The following HDX variants were observed in gnomAD, a reference collection of about 807,000 sequenced individuals.
HDX encodes the protein chromosome X open reading frame 43.
HDX carries 19 observed loss-of-function variants against 45.2 expected under a neutral mutation model. The ratio of observed to expected loss-of-function variants is 0.42; its 90% CI spans 0.29 to 0.62. The LOEUF (loss-of-function observed/expected upper bound fraction) is 0.62. Ranked by LOEUF, HDX falls within the 20% of genes least tolerant of loss-of-function variation. HDX has a pLI of 0.20. For missense variants in HDX, 532 were observed against 493.9 expected (o/e 1.08, Z -0.73); for synonymous variants, 188 against 172.8 (o/e 1.09, Z -0.69).
intron 5 of HDX, among the ~76,000 whole-genome samples, chrX:84,384,744 T>C (rs1163763765): frequency 5.4e-5 from 6 of 111,472 alleles, no homozygotes; most frequent in African/African-American, 2.0e-4. Context: ...ATTTTGCAAA[T>C]GACTAGCCAG....
chrX:84,405,511 G>A (rs2147967323), intron 5 of HDX, among the ~76,000 whole-genome samples: 1 of 106,713 alleles, frequency 9.4e-6, no homozygotes, highest in African/African-American at 3.4e-5. Context: ...TTCGTGCTTA[G>A]TTGTTGCAAA....
chrX:84,421,976 A>T (rs185055565), intron 5 of HDX, among the ~76,000 whole-genome samples: 4 of 109,551 alleles, frequency 3.7e-5, no homozygotes, highest in Admixed American at 1.9e-4. Flanking sequence ...TTAACAAACA[A>T]CTGTCAACAT....
intron 1 of HDX, chrX:84,499,948 G>A (rs1450168030): frequency 8.9e-6 from 1 of 112,112 alleles, no homozygotes; most frequent in Non-Finnish European, 1.9e-5. Flanking sequence ...AGCAATTGTA[G>A]ATAAAATGTA....
intron 5 of HDX, among the ~76,000 whole-genome samples, chrX:84,439,112 A>G (rs1274527689): frequency 9.0e-6 from 1 of 110,835 alleles, no homozygotes; most frequent in African/African-American, 3.3e-5. Flanking sequence ...CTGGTGAGAG[A>G]TGGTATCTCA....
At chrX:84,406,505 C>CACACACACACACAT (rs1386119309) in intron 5 of HDX, among the ~76,000 whole-genome samples, 27 of 64,435 alleles carry the variant, frequency 4.2e-4, no homozygotes, top group African/African-American at 1.4e-3. Context: ...CACACATACA[C>CACACACACACACAT]ACACACACAC....
At chrX:84,358,652 G>A (rs1162637725) in intron 6 of HDX, among the ~76,000 whole-genome samples, 1 of 112,180 alleles carries the variant, frequency 8.9e-6, no homozygotes, top group Non-Finnish European at 1.9e-5. Context: ...TCTGAACAGG[G>A]CAGTACTTAT....
intron 10 of HDX, among the ~76,000 whole-genome samples, chrX:84,322,981 A>G (rs1479120818): frequency 9.0e-6 from 1 of 110,822 alleles, no homozygotes; most frequent in East Asian, 2.8e-4. Context: ...CCAATTAAGG[A>G]ACAGAAAGGG....
intron 7 of HDX, among the ~76,000 whole-genome samples, chrX:84,339,111 T>C (rs1434713653): frequency 9.0e-6 from 1 of 111,682 alleles, no homozygotes; most frequent in African/African-American, 3.2e-5. Context: ...CTGCAGGACA[T>C]TATGCTGAGT....
At chrX:84,495,211 G>A (rs1172737390) in intron 1 of HDX, among the ~76,000 whole-genome samples, 1 of 110,923 alleles carries the variant, frequency 9.0e-6, no homozygotes, top group Non-Finnish European at 1.9e-5. Flanking sequence ...GTGAGGGATT[G>A]GGTAGATGTT....
chrX:84,436,090 A>C (rs774728700), intron 5 of HDX, among the ~76,000 whole-genome samples: 87 of 88,149 alleles, frequency 9.9e-4, no homozygotes, highest in African/African-American at 3.6e-3. Context: ...ATGGAATACT[A>C]TGCAGCCATA....
At chrX:84,463,773 C>A (rs1231331657) in intron 4 of HDX, among the ~76,000 whole-genome samples, 3 of 110,262 alleles carry the variant, frequency 2.7e-5, no homozygotes, top group Non-Finnish European at 5.7e-5. Context: ...TGATTGTCAT[C>A]TGGCTCCATG....
At chrX:84,409,100 C>T (rs2038915276) in intron 5 of HDX, among the ~76,000 whole-genome samples, 2 of 110,722 alleles carry the variant, frequency 1.8e-5, no homozygotes, top group African/African-American at 3.3e-5. Flanking sequence ...GACATTTATG[C>T]AGCCAAAAAA....
intron 5 of HDX, among the ~76,000 whole-genome samples, chrX:84,370,641 T>C (rs2037870327): frequency 8.9e-6 from 1 of 112,070 alleles, no homozygotes; most frequent in Non-Finnish European, 1.9e-5. Flanking sequence ...AGATCAACAG[T>C]GAATTCTAGA....
intron 6 of HDX, among the ~76,000 whole-genome samples, chrX:84,353,780 C>T (rs1358366053): frequency 9.0e-6 from 1 of 111,306 alleles, no homozygotes; most frequent in South Asian, 3.7e-4. Context: ...ATCTGTTGAG[C>T]GTCTGAAGTT....
At chrX:84,478,560 T>G (rs1202255390) in intron 2 of HDX, among the ~76,000 whole-genome samples, 1 of 112,237 alleles carries the variant, frequency 8.9e-6, no homozygotes, top group Non-Finnish European at 1.9e-5. Flanking sequence ...AAAAATTTAC[T>G]TATAAGTATT....
chrX:84,482,968 A>T (rs1001395661), intron 2 of HDX, among the ~76,000 whole-genome samples: 2 of 112,007 alleles, frequency 1.8e-5, no homozygotes, highest in African/African-American at 6.5e-5. Flanking sequence ...CAAGTTCAAA[A>T]TCCAATAGGG....
intron 2 of HDX, among the ~76,000 whole-genome samples, chrX:84,482,191 T>C (rs1207955788): frequency 8.9e-6 from 1 of 111,750 alleles, no homozygotes; most frequent in Non-Finnish European, 1.9e-5. Flanking sequence ...AGTCCAGGTA[T>C]CTTTTAGATA....
intron 5 of HDX, among the ~76,000 whole-genome samples, chrX:84,386,018 A>G (rs1186350591): frequency 9.2e-6 from 1 of 109,239 alleles, no homozygotes; most frequent in African/African-American, 3.3e-5. Flanking sequence ...TATTATTTTG[A>G]GGGATATTCC....
At chrX:84,500,453 C>CAA (rs1425660532) in intron 1 of HDX, 2 of 101,444 alleles carry the variant, frequency 2.0e-5, no homozygotes, top group African/African-American at 7.4e-5. Flanking sequence ...CTAACACACA[C>CAA]ACACACACAC....
Sources: allele counts gnomAD v4.1 joint callset (sites outside exome capture counted in the v4.1 genomes callset), GRCh38; gene constraint gnomAD v4.1.1; transcripts MANE v1.5; gene names NCBI Gene and HGNC (gene_info 2026-07-23, HGNC 2026-07-21).